GAPVD1: variants seen among roughly 807,000 people sequenced by gnomAD.
GAPVD1 encodes GTPase activating protein and VPS9 domains 1.
GAPVD1 carries 35 observed loss-of-function variants against 155.5 expected under a neutral mutation model. The ratio of observed to expected loss-of-function variants is 0.23; its 90% CI spans 0.17 to 0.30. The LOEUF is 0.30. Among genes scored for constraint, GAPVD1 ranks in the 10% least tolerant of loss-of-function variants. The pLI, the probability that GAPVD1 is intolerant of heterozygous loss-of-function variation, is 1.00. For missense variants in GAPVD1, 1,429 were observed against 1,775.7 expected (o/e 0.80, Z 3.51); for synonymous variants, 636 against 619.7 (o/e 1.03, Z -0.39).
At chr9:125,342,980 C>A (rs1789604976) in intron 19 of GAPVD1, among the ~76,000 whole-genome samples, 1 of 152,138 alleles carries the variant, frequency 6.6e-6, no homozygotes, top group Non-Finnish European at 1.5e-5. Flanking sequence ...TATGAATGAG[C>A]ACCCTAAAAG....
chr9:125,338,675 CT>C (rs34081709), intron 17 of GAPVD1, among the ~76,000 whole-genome samples: 1 of 152,142 alleles, frequency 6.6e-6, no homozygotes, highest in Admixed American at 6.5e-5. Flanking sequence ...TGAAATGACA[CT>C]TTTTTTCATT....
intron 2 of GAPVD1, among the ~76,000 whole-genome samples, chr9:125,294,636 G>A (rs149804298): frequency 0.021 from 3,058 of 147,998 alleles, 80 homozygotes; most frequent in African/African-American, 0.07. Flanking sequence ...GTGAGCCACC[G>A]TACCCAGCTA....
chr9:125,348,908 G>T (rs1355078520), intron 20 of GAPVD1, among the ~76,000 whole-genome samples: 2 of 152,212 alleles, frequency 1.3e-5, no homozygotes, highest in Admixed American at 6.5e-5. Flanking sequence ...CTTGGGTGTA[G>T]CAGGAAGACC....
At chr9:125,313,109 C>T (rs1009458773) in intron 9 of GAPVD1, among the ~76,000 whole-genome samples, 7 of 151,844 alleles carry the variant, frequency 4.6e-5, no homozygotes, top group African/African-American at 7.3e-5. Context: ...TGTGAGCCAC[C>T]GCGCCTGGCT....
At chr9:125,330,333 A>C (rs1451447243) in intron 13 of GAPVD1, 115 bp downstream of exon 13, 2 of 556,858 alleles carry the variant, frequency 3.6e-6, no homozygotes, top group South Asian at 5.4e-5. Context: ...TTTTTTTTTT[A>C]ATGGAGATGG....
Position 125,321,456 on chromosome 9 carries a change from T to C in GAPVD1, c.1626T>C (p.Asp542=), listed in dbSNP as rs1844327630. The part of the protein sequence containing the change: ...ENEVLNMQLS[D]GGQGDVPVDE... ...AGGTCCTAAACATGCAGCTTTCGGA[T>C]GGAGGACAAGGAGATGTCCCTGTTG... The change falls in exon 10 of 28, where the codon GAT becomes GAC. Residue 542 remains aspartate, a synonymous_variant. Coordinates refer to ENST00000297933, the MANE Select transcript of GAPVD1 (RefSeq NM_001282680.3). The C allele has an allele frequency of 6.2e-7, 1 of 1,612,808 alleles. No homozygotes were observed. The highest frequency in any genetic ancestry group is 1.3e-5 in the African/African-American group (1 of 74,892).
intron 2 of GAPVD1, among the ~76,000 whole-genome samples, chr9:125,291,012 A>AG (rs71374246): frequency 1.3e-5 from 2 of 149,642 alleles, no homozygotes; most frequent in Admixed American, 6.7e-5. Flanking sequence ...AAAAAAAAAA[A>AG]GACTGGGCAT....
rs1170909323 is a variant in GAPVD1, at chr9:125,363,215, A to G, written c.*469A>G. 1.3e-5 allele frequency: 2 copies of G among 152,298 alleles called. No individual in the cohort carries two copies. The highest frequency in any genetic ancestry group is 2.1e-4 in the South Asian group (1 of 4,824). The allele number at this position is 152,298 out of a possible 1,614,324, so 9.4% of individuals were successfully genotyped here. On this transcript the variant is annotated 3_prime_UTR_variant, in exon 28 of 28. Transcript: ENST00000297933. ...TAGTGGTGCGTTAGTGGCATTATCT[A>G]TAAATACACTCACCTAAATTGAAAG...
At chr9:125,340,852 C>G (rs1355459125) in intron 17 of GAPVD1, among the ~76,000 whole-genome samples, 1 of 152,190 alleles carries the variant, frequency 6.6e-6, no homozygotes, top group Non-Finnish European at 1.5e-5. Context: ...GACTGACTTT[C>G]TTATTTCACA....
At position 125,354,175 on chromosome 9, in the gene GAPVD1, A is replaced by G. The variant is rs572878097; in HGVS notation, c.3570-479A>G. On this transcript the variant is annotated intron_variant, in intron 23 of 27. Transcript: ENST00000297933. ...ATGCTTAGGTAGTGAGGAGGCTTCA[A>G]GGCTTAGGGAATGGGCACTCTAGTA... Among the ~76,000 whole-genome samples the G allele has an allele frequency of 5.3e-5, 8 of 152,278 alleles. No individual in the cohort carries two copies. The East Asian group carries it at 1.5e-3, about 29-fold the overall frequency.
At chr9:125,316,343 C>T (rs191906010) in intron 9 of GAPVD1, among the ~76,000 whole-genome samples, 29 of 152,192 alleles carry the variant, frequency 1.9e-4, no homozygotes, top group African/African-American at 5.8e-4. Flanking sequence ...CCTACCCCTG[C>T]GACAGGCCCC....
At chr9:125,292,395 G>A (rs1163995079) in intron 2 of GAPVD1, among the ~76,000 whole-genome samples, 1 of 151,416 alleles carries the variant, frequency 6.6e-6, no homozygotes, top group African/African-American at 2.4e-5. Context: ...GGTGGTCCAG[G>A]GTAGATTTTT....
chr9:125,276,637 C>T (rs370149477), intron 2 of GAPVD1, among the ~76,000 whole-genome samples: 4 of 152,096 alleles, frequency 2.6e-5, no homozygotes, highest in Non-Finnish European at 2.9e-5. Context: ...TGCAGTGAGC[C>T]GAGAGTGCAC....
chr9:125,327,518 T>C (rs1845367323), intron 12 of GAPVD1, among the ~76,000 whole-genome samples: 1 of 152,122 alleles, frequency 6.6e-6, no homozygotes, highest in Admixed American at 6.6e-5. Flanking sequence ...GTTTTTTTAA[T>C]TTAAGATAGA....
chr9:125,345,439 CA>C (rs892809747), intron 19 of GAPVD1, among the ~76,000 whole-genome samples: 9 of 152,278 alleles, frequency 5.9e-5, no homozygotes, highest in African/African-American at 2.2e-4. Context: ...CATCGGCCTC[CA>C]AAGTGCTAGG....
intron 8 of GAPVD1, chr9:125,308,110 A>C (rs899144317): frequency 3.5e-6 from 2 of 577,068 alleles, no homozygotes; most frequent in African/African-American, 3.7e-5. Context: ...CATGCTATCC[A>C]CAGTATACTT....
chr9:125,277,685 GTTT>G (rs551496647), intron 2 of GAPVD1, among the ~76,000 whole-genome samples: 3 of 137,230 alleles, frequency 2.2e-5, no homozygotes, highest in African/African-American at 2.7e-5. Flanking sequence ...ATGCTTGTCT[GTTT>G]TTTTTTTTTT....
At chr9:125,273,905 G>A (rs117202073) in intron 2 of GAPVD1, among the ~76,000 whole-genome samples, 446 of 151,944 alleles carry the variant, frequency 2.9e-3, no homozygotes, top group Admixed American at 5.2e-3. Context: ...AGAAAATGGC[G>A]CTAAGGCTGA....
intron 2 of GAPVD1, among the ~76,000 whole-genome samples, chr9:125,290,956 C>T (rs561154440): frequency 6.1e-5 from 9 of 148,454 alleles, no homozygotes; most frequent in Admixed American, 2.0e-4. Context: ...CACATTACTA[C>T]ACTCCAGCCT....
Sources: allele counts gnomAD v4.1 joint callset (sites outside exome capture counted in the v4.1 genomes callset), GRCh38; gene constraint gnomAD v4.1.1; transcripts MANE v1.5; gene names NCBI Gene and HGNC (gene_info 2026-07-23, HGNC 2026-07-21).